MAP3K19: variants seen among roughly 807,000 people sequenced by gnomAD.
The protein encoded by MAP3K19 is SPS1/STE20-related protein kinase YSK4.
Under a neutral mutation model 114.4 loss-of-function variants are expected in MAP3K19, and 91 were observed. The observed-to-expected ratio is 0.80, with a 90% confidence interval of 0.67 to 0.95. The LOEUF (loss-of-function observed/expected upper bound fraction) is 0.95, where lower values mean the gene tolerates loss of function less well. Ranked by LOEUF, MAP3K19 falls within the 40% of genes least tolerant of loss-of-function variation. The pLI, the probability that MAP3K19 is intolerant of heterozygous loss-of-function variation, is 0.00. For missense variants in MAP3K19, 1,471 were observed against 1,573.2 expected, an observed-to-expected ratio of 0.94 and a Z score of 1.10; for synonymous variants, 518 against 530.5, an observed-to-expected ratio of 0.98 and a Z score of 0.32.
chr2:135,023,466 G>A (rs771603329), intron 4 of MAP3K19: 33 of 533,156 alleles, frequency 6.2e-5, no homozygotes, highest in African/African-American at 3.9e-4. Context: ...CCTTTCAACC[G>A]GTCCTTTCCC....
At chr2:134,977,504 A>T (rs572210823) in intron 12 of MAP3K19, among the ~76,000 whole-genome samples, 9 of 151,800 alleles carry the variant, frequency 5.9e-5, no homozygotes, top group Non-Finnish European at 1.2e-4. Flanking sequence ...CTGGGACTAC[A>T]GGTGCCTGCC....
chr2:135,031,185 C>A (rs1415109799), intron 2 of MAP3K19, among the ~76,000 whole-genome samples: 2 of 146,180 alleles, frequency 1.4e-5, no homozygotes, highest in Non-Finnish European at 3.0e-5. Flanking sequence ...GCAATTGCAA[C>A]ATGGGGTGAT....
intron 11 of MAP3K19, 54 bp downstream of exon 11, chr2:134,983,622 G>T: frequency 1.5e-6 from 2 of 1,343,298 alleles, no homozygotes; most frequent in Non-Finnish European, 1.0e-6. Context: ...GGGGTGGAGG[G>T]AGGGACTGTG....
chr2:134,980,889 C>T lies in MAP3K19; in HGVS notation c.3852G>A (p.Gly1284=). ...AGTGGTCTGGTAAAGGAGGCATCAG[C>T]CCTCGGTGTGCTCCGATGTAAAACA... ...AAMFYIGAHR[G]LMPPLPDHFS... is the part of the protein sequence containing the mutation. The change falls in exon 12 of 13, where the codon GGG becomes GGA. Residue 1284 remains glycine (G), a synonymous_variant. Coordinates refer to ENST00000392915, the MANE Select transcript of MAP3K19 (RefSeq NM_025052.5). 6.2e-7 allele frequency: 1 copy of T among 1,614,236 alleles called. No individual in the cohort carries two copies. Among genetic ancestry groups the T allele is most frequent in the Non-Finnish European group, 8.5e-7 (1 of 1,180,044 alleles).
intron 12 of MAP3K19, among the ~76,000 whole-genome samples, chr2:134,967,699 C>T (rs1227841710): frequency 1.3e-5 from 2 of 152,168 alleles, no homozygotes; most frequent in African/African-American, 2.4e-5. Context: ...CCTTGCCCTC[C>T]TACTACATTC....
chr2:134,999,291 T>C lies in MAP3K19; in HGVS notation c.315-294A>G, dbSNP rs143920848. Reference sequence around the variant, plus strand: ...AGAGACCAAGGGCAGGCCTGGGGGATGTACCCTTTTATCTCCACAGGTACT... The same window carrying C: ...AGAGACCAAGGGCAGGCCTGGGGGACGTACCCTTTTATCTCCACAGGTACT... On this transcript the variant is annotated intron_variant, in intron 7 of 12. Coordinates refer to ENST00000392915, the MANE Select transcript of MAP3K19 (RefSeq NM_025052.5). The surrounding 1 kb of genome is among the most constrained non-coding windows in gnomAD (Gnocchi z 4.1). Among the ~76,000 whole-genome samples, 6 of 152,340 alleles carry C rather than the reference T, an allele frequency of 3.9e-5. No homozygotes were observed. The East Asian group carries it at 1.2e-3, about 29-fold the overall frequency.
chr2:135,036,971 G>A (rs1413065565), intron 2 of MAP3K19, among the ~76,000 whole-genome samples: 2 of 151,422 alleles, frequency 1.3e-5, no homozygotes, highest in Non-Finnish European at 2.9e-5. Flanking sequence ...AGTAAGTAGA[G>A]GCAGTGAGGA....
intron 12 of MAP3K19, among the ~76,000 whole-genome samples, chr2:134,980,427 A>AATTAAAC (rs11280662): frequency 2.0e-5 from 3 of 151,622 alleles, no homozygotes; most frequent in African/African-American, 7.3e-5. Context: ...TGAAATCTCC[A>AATTAAAC]ATTTGTTTCT....
chr2:134,976,802 T>G (rs1189168887), intron 12 of MAP3K19, among the ~76,000 whole-genome samples: 2 of 149,502 alleles, frequency 1.3e-5, no homozygotes, highest in Non-Finnish European at 3.0e-5. Flanking sequence ...ATCTCAGCAC[T>G]TTGGGAGGCT....
intron 2 of MAP3K19, among the ~76,000 whole-genome samples, chr2:135,033,689 C>A (rs1232446501): frequency 1.4e-5 from 1 of 69,306 alleles, no homozygotes; most frequent in African/African-American, 1.0e-4. Context: ...GGGCGGCCGG[C>A]CGGGGGGGCT....
At chr2:135,029,574 C>A (rs555269142) in intron 3 of MAP3K19, among the ~76,000 whole-genome samples, 1 of 152,226 alleles carries the variant, frequency 6.6e-6, no homozygotes, top group South Asian at 2.1e-4. Flanking sequence ...TGAACTGTAC[C>A]TGAGTGGAAT....
Position 134,987,560 on chromosome 2 carries a change from T to G in MAP3K19, c.1312A>C (p.Thr438Pro). 1 of 1,614,190 alleles carries G rather than the reference T, an allele frequency of 6.2e-7. No homozygotes were observed. The highest frequency in any genetic ancestry group is 8.5e-7 in the Non-Finnish European group (1 of 1,180,016). The change falls in exon 10 of 13, where the codon ACT becomes CCT. Residue 438 changes from threonine (T) to proline (P), a missense_variant. Thr to Pro is a conservative substitution (Grantham distance 38). Transcript: ENST00000392915. Reference protein sequence around the residue: ...MEPNNILEECTVLKSLSSVVF... With the variant: ...MEPNNILEECPVLKSLSSVVF... ...ACACTGGATAAGCTTTTAAGTACAGTACACTCTTCTAAAATATTGTTTGGT... is the reference window on the plus strand; with the variant it reads ...ACACTGGATAAGCTTTTAAGTACAGGACACTCTTCTAAAATATTGTTTGGT...
chr2:134,973,661 G>C (rs577387082), intron 12 of MAP3K19, among the ~76,000 whole-genome samples: 129 of 152,086 alleles, frequency 8.5e-4, no homozygotes, highest in African/African-American at 2.3e-3. Context: ...TTGTTTGTTT[G>C]TTTGTTTCTT....
At chr2:135,009,156 C>T (rs1015111210) in intron 5 of MAP3K19, among the ~76,000 whole-genome samples, 1 of 145,536 alleles carries the variant, frequency 6.9e-6, no homozygotes, top group Non-Finnish European at 1.5e-5. Flanking sequence ...GTAGAGATGG[C>T]GTTTCAATAT....
chr2:134,976,102 C>T (rs1684217536), intron 12 of MAP3K19, among the ~76,000 whole-genome samples: 1 of 152,204 alleles, frequency 6.6e-6, no homozygotes, highest in Admixed American at 6.5e-5. Context: ...CATCACACTG[C>T]TGCAGCCCTC....
At chr2:135,016,534 C>A (rs976848614) in intron 5 of MAP3K19, among the ~76,000 whole-genome samples, 2 of 152,012 alleles carry the variant, frequency 1.3e-5, no homozygotes, top group Non-Finnish European at 2.9e-5. Context: ...TGTTAATTTA[C>A]ACACACACAC....
chr2:134,983,653 T>C (rs1038000760), intron 11 of MAP3K19, 23 bp downstream of exon 11: 6 of 1,510,996 alleles, frequency 4.0e-6, no homozygotes, highest in Non-Finnish European at 5.3e-6. Flanking sequence ...GAGTGCTGAT[T>C]TCAAGTTTCC....
Position 134,991,644 on chromosome 2 carries a change from A to G in MAP3K19, c.575-64T>C. 3 of 1,364,548 alleles carry G rather than the reference A, an allele frequency of 2.2e-6. No individual in the cohort carries two copies. In the South Asian group the frequency reaches 3.5e-5, roughly 16 times the overall value. 84.5% of individuals were successfully genotyped at this position (1,364,548 alleles called of 1,614,324 possible). ...TAGAAAGAAAACAGTCTCAAGCCAG[A>G]GTCTGGGGATGGAGTAATACAGATG... is the stretch of plus-strand genomic sequence containing the variant. On this transcript the variant is annotated intron_variant, in intron 8 of 12. Transcript: ENST00000392915.
intron 9 of MAP3K19, among the ~76,000 whole-genome samples, chr2:134,990,545 C>T (rs906205612): frequency 1.2e-4 from 18 of 150,308 alleles, no homozygotes; most frequent in Non-Finnish European, 1.3e-4. Flanking sequence ...GGCATGATGT[C>T]GGGTCACTGC....
Sources: gnomAD v4.1 joint callset for allele counts (sites outside exome capture counted in the v4.1 genomes callset) on GRCh38, gnomAD v4.1.1 for gene constraint, Gnocchi (gnomAD v3.1) non-coding constraint, MANE v1.5 for transcripts, NCBI Gene and HGNC (gene_info 2026-07-23, HGNC 2026-07-21) for gene names.